NECAB2: variants seen among roughly 807,000 people sequenced by gnomAD.
NECAB2 encodes the protein N-terminal EF-hand calcium binding protein 2.
A neutral mutation model predicts 51.9 loss-of-function variants in NECAB2; 68 were observed. The ratio of observed to expected loss-of-function variants is 1.31; its 90% CI spans 1.08 to 1.60. The LOEUF (loss-of-function observed/expected upper bound fraction) is 1.60. Among genes scored for constraint, NECAB2 ranks in the 40% most tolerant of loss-of-function variants. NECAB2 has a pLI of 0.00. For missense variants in NECAB2, 854 were observed against 490.3 expected (o/e 1.74, Z -7.00); for synonymous variants, 329 against 203.5 (o/e 1.62, Z -5.25).
chr16:83,998,799 C>A (rs568412943), intron 10 of NECAB2, among the ~76,000 whole-genome samples: 1 of 136,150 alleles, frequency 7.3e-6, no homozygotes, highest in African/African-American at 3.7e-5. Context: ...TGTAGTTGCC[C>A]TTCTCCCCCT....
In NECAB2 at chr16:83,982,656, T is replaced by C. The variant is rs114510817; in HGVS notation, c.459+1529T>C. Among the ~76,000 whole-genome samples, 1,423 of 152,242 alleles carry C rather than the reference T, an allele frequency of 9.3e-3. 24 individuals are homozygous for C. Among genetic ancestry groups the C allele is most frequent in the African/African-American group, 0.033 (1,354 of 41,544 alleles). ...GGCATTCGTAACATCCATGGTTGCGTCTTGGTCTTCAGTCAGACTTTTCAG... is the reference window on the plus strand; with the variant it reads ...GGCATTCGTAACATCCATGGTTGCGCCTTGGTCTTCAGTCAGACTTTTCAG... On this transcript the variant is annotated intron_variant, in intron 5 of 12. Coordinates refer to ENST00000305202, the MANE Select transcript of NECAB2 (RefSeq NM_019065.3).
intron 5 of NECAB2, among the ~76,000 whole-genome samples, chr16:83,983,912 A>G (rs1247939335): frequency 1.3e-5 from 2 of 149,820 alleles, no homozygotes; most frequent in Non-Finnish European, 3.0e-5. Context: ...GGAGGGGATG[A>G]TTTTCATAGT....
At chr16:83,993,882 C>T (rs927602395) in intron 6 of NECAB2, among the ~76,000 whole-genome samples, 2 of 152,128 alleles carry the variant, frequency 1.3e-5, no homozygotes, top group African/African-American at 4.8e-5. Context: ...AACCAGGTCC[C>T]CCACCCCAGA....
chr16:83,976,839 C>T (rs898281216), intron 2 of NECAB2, among the ~76,000 whole-genome samples: 1 of 152,160 alleles, frequency 6.6e-6, no homozygotes, highest in Non-Finnish European at 1.5e-5. Context: ...GAGGACCCCC[C>T]CTCTCCTGAG....
rs2084349029 is a variant in NECAB2, at chr16:83,971,760, G to T, written c.202-391G>T. The T allele has an allele frequency of 3.7e-5, 12 of 325,424 alleles. No homozygotes were observed. The South Asian group carries it at 5.3e-4, about 14-fold the overall frequency. 20.2% of individuals were successfully genotyped at this position (325,424 alleles called of 1,614,324 possible). On this transcript the variant is annotated intron_variant, in intron 1 of 12. Transcript: ENST00000305202. ...GTTTTGGAAGGACTGCAGTGGTAAA[G>T]GTTGTGGCGCTCCCTGGGACACTGA...
Position 83,968,614 on chromosome 16 carries a change from G to A in NECAB2, c.-35G>A. 1.0e-6 allele frequency: 1 copy of A among 978,562 alleles called. No individual in the cohort carries two copies. Among genetic ancestry groups the A allele is most frequent in the Non-Finnish European group, 1.2e-6 (1 of 826,964 alleles). The allele number at this position is 978,562 out of a possible 1,614,324, so 60.6% of individuals were successfully genotyped here. A position where few individuals can be genotyped will look rare whatever the true frequency, so the allele number is the denominator to read the frequency against. On this transcript the variant is annotated 5_prime_UTR_variant, in exon 1 of 13. Coordinates refer to ENST00000305202, the MANE Select transcript of NECAB2 (RefSeq NM_019065.3). ...GCGGGCCGCAGCTGGGCGGGGGTCGGCGGGCTTCCGGGCGGCGGCGGCGGG... is the reference window on the plus strand; with the variant it reads ...GCGGGCCGCAGCTGGGCGGGGGTCGACGGGCTTCCGGGCGGCGGCGGCGGG...
At chr16:84,002,252 C>G in intron 12 of NECAB2, 66 bp from the exon 13 acceptor site, 1 of 1,574,988 alleles carries the variant, frequency 6.3e-7, no homozygotes, top group Non-Finnish European at 8.7e-7. Flanking sequence ...TTCAAGACGA[C>G]CACCACCAGC....
chr16:83,991,651 C>A (rs1017246248), intron 6 of NECAB2, among the ~76,000 whole-genome samples: 1 of 150,008 alleles, frequency 6.7e-6, no homozygotes, highest in African/African-American at 2.5e-5. Context: ...TGGAGCCCGG[C>A]CTTATTTTAT....
At chr16:83,970,392 G>A (rs2084335107) in intron 1 of NECAB2, among the ~76,000 whole-genome samples, 1 of 152,208 alleles carries the variant, frequency 6.6e-6, no homozygotes, top group Non-Finnish European at 1.5e-5. Context: ...GCCCAGTCAG[G>A]AACGGGGCTG....
At chr16:83,980,159 T>G (rs548764407) in intron 3 of NECAB2, among the ~76,000 whole-genome samples, 5 of 152,340 alleles carry the variant, frequency 3.3e-5, no homozygotes, top group East Asian at 1.9e-4. Flanking sequence ...CCTTGCACAT[T>G]GACTTGGCAG....
At chr16:83,976,311 A>G (rs1308747837) in intron 2 of NECAB2, among the ~76,000 whole-genome samples, 1 of 152,218 alleles carries the variant, frequency 6.6e-6, no homozygotes, top group East Asian at 1.9e-4. Context: ...TTCAAGCTTC[A>G]GCTGTAGGAC....
Position 83,968,813 on chromosome 16 carries a change from A to C in NECAB2, c.165A>C (p.Pro55=). The C allele has an allele frequency of 8.9e-7, 1 of 1,119,720 alleles. No individual in the cohort carries two copies. 69.4% of individuals were successfully genotyped at this position (1,119,720 alleles called of 1,614,324 possible). The change falls in exon 1 of 13, where the codon CCA becomes CCC. Residue 55 remains proline (P), a synonymous_variant. Transcript: ENST00000305202. ...LAPAAPADPG[P]ASPRGGTAVI... ...CCGCCGCCCCCGCGGACCCCGGCCC[A>C]GCCTCGCCGCGCGGGGGCACCGCCG... is the stretch of plus-strand genomic sequence containing the variant.
At position 83,968,275 on chromosome 16, in the gene NECAB2, C is replaced by G. The variant is rs1162483296; in HGVS notation, c.-374C>G. Among the ~76,000 whole-genome samples, 4 of 151,244 alleles carry G rather than the reference C, an allele frequency of 2.6e-5. No individual in the cohort carries two copies. Among genetic ancestry groups the G allele is most frequent in the Admixed American group, 6.6e-5 (1 of 15,204 alleles). ...TGCGCGCCGCGAGTGGGAGGGGGGACTTTAGAAGCGGGGAGAGCAGGAGAC... is the reference window on the plus strand; with the variant it reads ...TGCGCGCCGCGAGTGGGAGGGGGGAGTTTAGAAGCGGGGAGAGCAGGAGAC... On this transcript the variant is annotated 5_prime_UTR_variant, in exon 1 of 13. Transcript: ENST00000305202.
At chr16:83,997,951 C>T (rs2084741163) in intron 9 of NECAB2, among the ~76,000 whole-genome samples, 2 of 152,158 alleles carry the variant, frequency 1.3e-5, no homozygotes, top group South Asian at 4.1e-4. Flanking sequence ...TGGTTGTGGA[C>T]ATGGATGGGG....
At position 83,980,945 on chromosome 16, in the gene NECAB2, G is replaced by A. The variant is rs370435649; in HGVS notation, c.361+81G>A. ...AGAAGGGCCTGAGGCAGGGGAGGCT[G>A]GAGGTAGCGCAGGTGGGAGGTGCAG... On this transcript the variant is annotated intron_variant, in intron 4 of 12. Transcript: ENST00000305202. The A allele has an allele frequency of 7.6e-5, 122 of 1,608,052 alleles. No individual in the cohort carries two copies. In the African/African-American group the frequency reaches 1.5e-3, roughly 20 times the overall value.
At position 83,999,645 on chromosome 16, in the gene NECAB2, G is replaced by A. The variant is rs559089137; in HGVS notation, c.963-1079G>A. ...CTCATTGTAGTGCACTTGCAGAGAG[G>A]ATTCTGGGGCGGCATAGACTATCAG... On this transcript the variant is annotated intron_variant, in intron 10 of 12. Coordinates refer to ENST00000305202, the MANE Select transcript of NECAB2 (RefSeq NM_019065.3). Among the ~76,000 whole-genome samples, 9 of 152,218 alleles carry A rather than the reference G, an allele frequency of 5.9e-5. No homozygotes were observed. The East Asian group carries it at 1.7e-3, about 30-fold the overall frequency.
At chr16:83,995,303 A>C (rs767592368) in intron 8 of NECAB2, among the ~76,000 whole-genome samples, 1 of 152,190 alleles carries the variant, frequency 6.6e-6, no homozygotes, top group African/African-American at 2.4e-5. Context: ...GGTATCAGTC[A>C]GAATTCTGGT....
chr16:83,978,510 A>T lies in NECAB2; in HGVS notation c.293A>T (p.Glu98Val). The T allele has an allele frequency of 6.2e-7, 1 of 1,613,922 alleles. No individual in the cohort carries two copies. The highest frequency in any genetic ancestry group is 8.5e-7 in the Non-Finnish European group (1 of 1,179,976). Residue 98 changes from glutamate (E) to valine (V), a missense_variant, in exon 3 of 13, where the codon GAA (glutamate) becomes GTA (valine). By Grantham distance (121) the Glu-to-Val change is moderately radical (BLOSUM62 -2). Transcript: ENST00000305202. The stretch of plus-strand genomic sequence containing the variant: ...GCAGATGGCGTCCTTAATGAGAAAG[A>T]ACTGGAGGATCTCTTTCACACGATT... ...FFADGVLNEK[E>V]LEDLFHTIDS... is the part of the protein sequence containing the mutation.
In NECAB2 at chr16:83,968,686, C is replaced by T. The variant is rs982778006; in HGVS notation, c.38C>T (p.Ala13Val). 1.0e-6 allele frequency: 1 copy of T among 990,966 alleles called. No homozygotes were observed. The allele number at this position is 990,966 out of a possible 1,614,324, so 61.4% of individuals were successfully genotyped here. ...GCGGCGCGCCTGTGCAGGGCCGGCG[C>T]GCACAGGCTGCTCCGGGAGCCGCCG... Reference protein sequence around the residue: ...ERAARLCRAGAHRLLREPPQQ... With the variant: ...ERAARLCRAGVHRLLREPPQQ... The change falls in exon 1 of 13, where the codon GCG becomes GTG. Residue 13 changes from alanine (A) to valine (V), a missense_variant. Ala to Val is a moderately conservative substitution (Grantham distance 64). Transcript: ENST00000305202.
Sources: gnomAD v4.1 joint callset for allele counts (sites outside exome capture counted in the v4.1 genomes callset) on GRCh38, gnomAD v4.1.1 for gene constraint, MANE v1.5 for transcripts, NCBI Gene and HGNC (gene_info 2026-07-23, HGNC 2026-07-21) for gene names.